Variants in AUH observed in about 807,000 individuals in gnomAD.
AUH encodes AU RNA binding methylglutaconyl-CoA hydratase, also known as methylglutaconyl-CoA hydratase, mitochondrial.
Under a neutral mutation model 42.3 loss-of-function variants are expected in AUH, and 29 were observed. That is an observed-to-expected ratio of 0.69 (90% CI 0.51 to 0.93). AUH has a LOEUF of 0.93. AUH is among the 40% of genes least tolerant of loss of function. AUH has a pLI of 0.00. For synonymous variants in AUH, 174 were observed against 166.4 expected (o/e 1.05, Z -0.35); for missense variants, 452 against 438.1 (o/e 1.03, Z -0.28).
chr9:91,314,859 G>A (rs976652233), intron 4 of AUH, among the ~76,000 whole-genome samples: 10 of 152,194 alleles, frequency 6.6e-5, no homozygotes, highest in African/African-American at 2.4e-4. Context: ...CTGATAAAGA[G>A]ACTACCAACC....
intron 6 of AUH, among the ~76,000 whole-genome samples, chr9:91,251,859 C>T (rs994139986): frequency 2.6e-5 from 4 of 152,184 alleles, no homozygotes; most frequent in Non-Finnish European, 5.9e-5. Flanking sequence ...CCTTCAAAGG[C>T]CTCCTTACTG....
chr9:91,303,996 G>T (rs1486577905), intron 4 of AUH, among the ~76,000 whole-genome samples: 1 of 152,152 alleles, frequency 6.6e-6, no homozygotes, highest in Admixed American at 6.5e-5. Flanking sequence ...GGTGAGAGAT[G>T]GGAGTTCAAA....
chr9:91,326,207 G>A (rs1810334214), intron 3 of AUH, among the ~76,000 whole-genome samples: 1 of 152,126 alleles, frequency 6.6e-6, no homozygotes, highest in African/African-American at 2.4e-5. Context: ...ACCCTTATTA[G>A]TCTATTACAA....
chr9:91,310,411 C>G (rs1828611644), intron 4 of AUH, among the ~76,000 whole-genome samples: 2 of 152,102 alleles, frequency 1.3e-5, no homozygotes, highest in South Asian at 4.1e-4. Context: ...GCCAATTTGC[C>G]CTCTCAATCA....
rs1587610580 is a variant in AUH, at chr9:91,216,185, T to C, written c.895-79A>G. On this transcript the variant is annotated intron_variant, in intron 8 of 9. Coordinates refer to ENST00000375731, the MANE Select transcript of AUH (RefSeq NM_001698.3). ...ATATTCAACAGAAATTCAAATTGAA[T>C]AACCTTATCCCCAAAGCACCCAATC... The C allele has an allele frequency of 1.8e-5, 25 of 1,369,876 alleles. No individual in the cohort carries two copies. The East Asian group carries it at 5.7e-4, about 31-fold the overall frequency. 84.9% of individuals were successfully genotyped at this position (1,369,876 alleles called of 1,614,324 possible).
At position 91,298,156 on chromosome 9, in the gene AUH, G is replaced by C. The variant is rs1827499955; in HGVS notation, c.506-80C>G. The C allele has an allele frequency of 2.6e-6, 3 of 1,135,722 alleles. No homozygotes were observed. The East Asian group carries it at 7.5e-5, about 28-fold the overall frequency. The allele number at this position is 1,135,722 out of a possible 1,614,324, so 70.4% of individuals were successfully genotyped here. A position where few individuals can be genotyped will look rare whatever the true frequency, so the allele number is the denominator to read the frequency against. ...TAATTCATTTTTAATTTTTTTCTGT[G>C]AATTTATGCTTTAAATGGGAGATCA... On this transcript the variant is annotated intron_variant, in intron 4 of 9. Coordinates refer to ENST00000375731, the MANE Select transcript of AUH (RefSeq NM_001698.3).
rs183152237 is a variant in AUH, at chr9:91,330,881, A to G, written c.419-5477T>C. Among the ~76,000 whole-genome samples the G allele has an allele frequency of 5.5e-3, 837 of 152,326 alleles. 7 individuals carry two copies. The highest frequency in any genetic ancestry group is 8.5e-3 in the Non-Finnish European group (576 of 68,012). On this transcript the variant is annotated intron_variant, in intron 3 of 9. Coordinates refer to ENST00000375731, the MANE Select transcript of AUH (RefSeq NM_001698.3). The stretch of plus-strand genomic sequence containing the variant: ...GCGATAAAAGTCATAATAATTGCCT[A>G]TGTCTTTTGGGTGGGAGATGGGTAA...
chr9:91,219,156 G>A (rs1417039917), intron 7 of AUH, among the ~76,000 whole-genome samples: 1 of 152,282 alleles, frequency 6.6e-6, no homozygotes, highest in Non-Finnish European at 1.5e-5. Flanking sequence ...TGTGTGGACG[G>A]TGGTGGCATT....
At position 91,214,319 on chromosome 9, in the gene AUH, C is replaced by T. The variant is rs200499826; in HGVS notation, c.*29G>A. 3,158 of 1,562,488 alleles carry T rather than the reference C, an allele frequency of 2.0e-3. 5 individuals carry two copies. The highest frequency in any genetic ancestry group is 2.7e-3 in the Non-Finnish European group (3,036 of 1,139,426). ...ACACTTCCAGGAAGTACATTTATTA[C>T]ATTGGCATCTTAAGAATTTCTGTTC... is the stretch of plus-strand genomic sequence containing the variant. On this transcript the variant is annotated 3_prime_UTR_variant, in exon 10 of 10. Coordinates refer to ENST00000375731, the MANE Select transcript of AUH (RefSeq NM_001698.3).
intron 6 of AUH, among the ~76,000 whole-genome samples, chr9:91,242,370 A>G (rs1828567602): frequency 6.6e-6 from 1 of 152,368 alleles, no homozygotes; most frequent in East Asian, 1.9e-4. Context: ...AAAAAACCCC[A>G]GTATTTTTCA....
intron 1 of AUH, among the ~76,000 whole-genome samples, chr9:91,361,252 T>C (rs1024797105): frequency 4.6e-5 from 7 of 152,160 alleles, no homozygotes; most frequent in Non-Finnish European, 8.8e-5. Context: ...CCACCACTAA[T>C]AGCTGAGTTT....
At chr9:91,346,275 G>A (rs1409569370) in intron 3 of AUH, among the ~76,000 whole-genome samples, 7 of 152,130 alleles carry the variant, frequency 4.6e-5, no homozygotes, top group Admixed American at 4.6e-4. Flanking sequence ...AGGAGCTGGA[G>A]ATTGAGCTCA....
At chr9:91,347,369 GTT>G (rs1372293131) in intron 3 of AUH, among the ~76,000 whole-genome samples, 1 of 152,120 alleles carries the variant, frequency 6.6e-6, no homozygotes, top group African/African-American at 2.4e-5. Flanking sequence ...GAACCCCGCT[GTT>G]TAAGGGTCTT....
intron 6 of AUH, among the ~76,000 whole-genome samples, chr9:91,286,403 A>T (rs1826411705): frequency 6.6e-6 from 1 of 152,126 alleles, no homozygotes; most frequent in Non-Finnish European, 1.5e-5. Context: ...TCTGTGCTCT[A>T]ATTTTCCTTC....
At chr9:91,323,333 A>G (rs1829729270) in intron 4 of AUH, among the ~76,000 whole-genome samples, 1 of 152,192 alleles carries the variant, frequency 6.6e-6, no homozygotes, top group Admixed American at 6.5e-5. Context: ...CATAAAAGTT[A>G]TTAACTTTTG....
intron 6 of AUH, among the ~76,000 whole-genome samples, chr9:91,244,852 T>C (rs1384312398): frequency 6.6e-6 from 1 of 152,204 alleles, no homozygotes; most frequent in Non-Finnish European, 1.5e-5. Context: ...TTTACCAAGG[T>C]GCACCTCTGA....
intron 6 of AUH, among the ~76,000 whole-genome samples, chr9:91,287,288 TAC>T (rs1826492948): frequency 6.6e-6 from 1 of 152,080 alleles, no homozygotes; most frequent in South Asian, 2.1e-4. Flanking sequence ...TCCACATAAT[TAC>T]AGACTGGCAC....
chr9:91,316,277 C>A (rs1027588253), intron 4 of AUH, among the ~76,000 whole-genome samples: 4 of 151,996 alleles, frequency 2.6e-5, no homozygotes, highest in Non-Finnish European at 5.9e-5. Flanking sequence ...GACAGAAGAA[C>A]CATAACCTTT....
At chr9:91,280,336 G>C (rs958365853) in intron 6 of AUH, among the ~76,000 whole-genome samples, 4 of 152,046 alleles carry the variant, frequency 2.6e-5, no homozygotes, top group African/African-American at 9.7e-5. Flanking sequence ...AAACACTATA[G>C]AATATTAAAA....
Sources: gnomAD v4.1 joint callset for allele counts (sites outside exome capture counted in the v4.1 genomes callset) on GRCh38, gnomAD v4.1.1 for gene constraint, MANE v1.5 for transcripts, NCBI Gene and HGNC (gene_info 2026-07-23, HGNC 2026-07-21) for gene names.